The following PTPRF variants were observed in gnomAD, a reference collection of about 807,000 sequenced individuals.
PTPRF encodes receptor-type tyrosine-protein phosphatase F.
PTPRF carries 59 observed loss-of-function variants against 201.8 expected under a neutral mutation model. That is an observed-to-expected ratio of 0.29 (90% CI 0.24 to 0.36). The LOEUF (loss-of-function observed/expected upper bound fraction) is 0.36. Among genes scored for constraint, PTPRF ranks in the 10% least tolerant of loss-of-function variants. The pLI, the probability that PTPRF is intolerant of heterozygous loss-of-function variation, is 1.00. For missense variants in PTPRF, 2,132 were observed against 2,690.5 expected (o/e 0.79, Z 4.59); for synonymous variants, 1,088 against 1,089.7 (o/e 1.00, Z 0.03).
chr1:43,602,028 C>T (rs1237705854), intron 13 of PTPRF, 43 bp from the exon 14 acceptor site: 13 of 1,601,140 alleles, frequency 8.1e-6, no homozygotes, highest in Admixed American at 1.7e-5. Context: ...GGTCAGAGTC[C>T]TTCACCATCC....
rs527318856 is a variant in PTPRF at position 43,602,194 on chromosome 1, A to G, written c.2340+97A>G. On this transcript the variant is annotated intron_variant, in intron 14 of 33. Transcript: ENST00000359947. ...TCCTTTCCTGCTAGCCTGCACTGCC[A>G]AGATCCACAGGGCTCTAGCCACATC... The G allele has an allele frequency of 6.1e-5, 87 of 1,429,474 alleles. No homozygotes were observed. In the African/African-American group the frequency reaches 1.2e-3, roughly 19 times the overall value. The allele number at this position is 1,429,474 out of a possible 1,614,324, so 88.5% of individuals were successfully genotyped here.
In PTPRF at chr1:43,588,619, G is replaced by A. The variant is rs1649794521; in HGVS notation, c.680-112G>A. 1.4e-6 allele frequency: 2 copies of A among 1,400,254 alleles called. No homozygotes were observed. The highest frequency in any genetic ancestry group is 1.9e-6 in the Non-Finnish European group (2 of 1,042,516). 86.7% of individuals were successfully genotyped at this position (1,400,254 alleles called of 1,614,324 possible). On this transcript the variant is annotated intron_variant, in intron 7 of 33. Transcript: ENST00000359947. This position sits in a 1 kb window ranked among gnomAD's most constrained non-coding sequence, Gnocchi z 5.3. ...TGGCGGTGCCACCCCTCCTGTCTCT[G>A]AGCATGGGTTTGGCTCTGACCAGAG...
chr1:43,601,688 C>T (rs1017370194), intron 13 of PTPRF, among the ~76,000 whole-genome samples: 2 of 152,252 alleles, frequency 1.3e-5, no homozygotes, highest in African/African-American at 4.8e-5. Context: ...CCCTCAGTGT[C>T]TTCCTTTCCC....
intron 6 of PTPRF, among the ~76,000 whole-genome samples, chr1:43,576,753 G>T (rs372488446): frequency 6.6e-6 from 1 of 152,202 alleles, no homozygotes; most frequent in African/African-American, 2.4e-5. Flanking sequence ...AGTGTCTGGC[G>T]CAGAGCAGAC....
At chr1:43,597,038 C>T (rs1025871792) in intron 11 of PTPRF, among the ~76,000 whole-genome samples, 13 of 149,968 alleles carry the variant, frequency 8.7e-5, no homozygotes, top group Admixed American at 4.0e-4. Context: ...AGTATATGTG[C>T]GAGACAGCCT....
At chr1:43,564,584 G>C (rs1275638298) in intron 5 of PTPRF, among the ~76,000 whole-genome samples, 1 of 152,126 alleles carries the variant, frequency 6.6e-6, no homozygotes, top group African/African-American at 2.4e-5. Flanking sequence ...ACACCTGTCT[G>C]TTTCTCCATG....
intron 5 of PTPRF, among the ~76,000 whole-genome samples, chr1:43,562,682 G>A (rs1053427894): frequency 6.6e-6 from 1 of 152,084 alleles, no homozygotes; most frequent in African/African-American, 2.4e-5. Context: ...AGAGTGCTGG[G>A]ATTACAGGCA....
intron 14 of PTPRF, 137 bp downstream of exon 14, chr1:43,602,234 G>C (rs141723169): frequency 9.4e-7 from 1 of 1,068,764 alleles, no homozygotes. Flanking sequence ...GAAAATTGGC[G>C]TTTAGACACA....
chr1:43,544,982 G>T (rs1462008806), intron 2 of PTPRF, 49 bp from the exon 3 acceptor site: 6 of 1,127,584 alleles, frequency 5.3e-6, no homozygotes, highest in Non-Finnish European at 7.6e-6. Context: ...GGGCATTAGG[G>T]ACAGCAGTAA....
intron 21 of PTPRF, among the ~76,000 whole-genome samples, 170 bp from the exon 22 acceptor site, chr1:43,609,213 T>C (rs1655867457): frequency 6.6e-6 from 1 of 152,156 alleles, no homozygotes; most frequent in Non-Finnish European, 1.5e-5. Context: ...TTCTCTCATG[T>C]CAAGGCTGTT....
At position 43,606,874 on chromosome 1, in the gene PTPRF, C is replaced by T; in HGVS notation, c.3763C>T (p.Gln1255Ter). ...EIVVQVTPAQQQEEPEMLWVT... is the reference protein window; with the variant it reads ...EIVVQVTPAQ ...CGTGGTCCAGGTGACACCAGCCCAG[C>T]AGCAGGAGGAGCCGGAGATGCTGTG... is the stretch of plus-strand genomic sequence containing the variant. Residue 1255 changes from glutamine (Q) to a stop codon, truncating the protein, a stop_gained, in exon 21 of 34, where the codon CAG becomes TAG. Transcript: ENST00000359947. LOFTEE classifies it high-confidence loss of function. The T allele has an allele frequency of 6.2e-7, 1 of 1,614,184 alleles. No homozygotes were observed. The highest frequency in any genetic ancestry group is 8.5e-7 in the Non-Finnish European group (1 of 1,180,036).
Position 43,591,461 on chromosome 1 carries a change from C to A in PTPRF, c.1439C>A (p.Pro480His). The part of the protein sequence containing the change: ...GLLTTVGSLL[P>H]GITYSLRVLA... ...CTCACGACCGTGGGCAGCCTGCTGC[C>A]TGGCATCACCTACAGCCTGCGCGTG... is the stretch of plus-strand genomic sequence containing the variant. The change falls in exon 9 of 34, where the codon CCT becomes CAT. Residue 480 changes from proline (P) to histidine (H), a missense_variant. Around this residue, in one of 6 missense-constraint regions of PTPRF, gnomAD observed 351 missense variants for 401.7 expected, o/e 0.87. Coordinates refer to ENST00000359947, the MANE Select transcript of PTPRF (RefSeq NM_002840.5). The A allele has an allele frequency of 6.3e-7, 1 of 1,595,994 alleles. No homozygotes were observed.
At chr1:43,573,252 G>A (rs1055333230) in intron 6 of PTPRF, among the ~76,000 whole-genome samples, 1 of 152,166 alleles carries the variant, frequency 6.6e-6, no homozygotes, top group Non-Finnish European at 1.5e-5. Context: ...AGCCCCTGCT[G>A]GGTCCTGAGA....
intron 6 of PTPRF, among the ~76,000 whole-genome samples, chr1:43,576,350 T>C (rs58968976): frequency 0.022 from 3,389 of 152,320 alleles, 125 homozygotes; most frequent in African/African-American, 0.078. Flanking sequence ...ACCTCAATTA[T>C]TACTTGACTT....
intron 5 of PTPRF, 50 bp from the exon 6 acceptor site, chr1:43,569,540 A>AG (rs893486307): frequency 2.4e-5 from 36 of 1,527,110 alleles, no homozygotes; most frequent in Non-Finnish European, 3.1e-5. Context: ...GAGGGGTCAT[A>AG]GGGGGCAGGC....
In PTPRF at chr1:43,582,297, C is replaced by T. The variant is rs539313607; in HGVS notation, c.679+3377C>T. ...ACTCGGCTACTAGTCAGTAGCCTCT[C>T]GGATAGCACTGTGGGGGGATGTGTC... On this transcript the variant is annotated intron_variant, in intron 7 of 33. Transcript: ENST00000359947. Among the ~76,000 whole-genome samples the T allele has an allele frequency of 1.5e-3, 231 of 152,360 alleles. 4 individuals are homozygous for T. Among genetic ancestry groups the T allele is most frequent in the African/African-American group, 5.2e-3 (218 of 41,594 alleles).
At chr1:43,574,332 A>T (rs186087758) in intron 6 of PTPRF, among the ~76,000 whole-genome samples, 1 of 152,132 alleles carries the variant, frequency 6.6e-6, no homozygotes, top group African/African-American at 2.4e-5. Flanking sequence ...TTACCATATT[A>T]GATATTAAGA....
intron 13 of PTPRF, 55 bp from the exon 14 acceptor site, chr1:43,602,016 C>A: frequency 6.3e-7 from 1 of 1,582,780 alleles, no homozygotes; most frequent in Non-Finnish European, 8.7e-7. Flanking sequence ...AGGCCCTCTC[C>A]AGGTCAGAGT....
chr1:43,579,099 C>A, intron 7 of PTPRF, 179 bp downstream of exon 7: 1 of 723,840 alleles, frequency 1.4e-6, no homozygotes. Context: ...TTCCTGGCGT[C>A]TGCCACTACT....
Sources: allele counts gnomAD v4.1 joint callset (sites outside exome capture counted in the v4.1 genomes callset), GRCh38; gene constraint gnomAD v4.1.1; regional missense constraint gnomAD v4.1.1; non-coding constraint Gnocchi (gnomAD v3.1); transcripts MANE v1.5; gene names NCBI Gene and HGNC (gene_info 2026-07-23, HGNC 2026-07-21).